The following KIF16B variants were observed in gnomAD, a reference collection of about 807,000 sequenced individuals.
KIF16B encodes kinesin family member 16B, also known as kinesin-like protein KIF16B.
KIF16B carries 98 observed loss-of-function variants against 156.3 expected under a neutral mutation model. That is an observed-to-expected ratio of 0.63 (90% CI 0.53 to 0.74). The LOEUF is 0.74. KIF16B is among the 30% of genes least tolerant of loss of function. The probability of loss-of-function intolerance (pLI) is 0.00; values close to 1 mark genes in which losing one functional copy is unlikely to be tolerated. For synonymous variants in KIF16B, 564 were observed against 583.7 expected, an observed-to-expected ratio of 0.97 and a Z score of 0.49; for missense variants, 1,421 against 1,606.5, an observed-to-expected ratio of 0.88 and a Z score of 1.97.
intron 3 of KIF16B, among the ~76,000 whole-genome samples, chr20:16,524,094 C>A (rs1368075277): frequency 6.6e-6 from 1 of 152,110 alleles, no homozygotes; most frequent in Admixed American, 6.5e-5. Context: ...TAGGCAATGC[C>A]ATTCAGGACA....
At chr20:16,369,857 A>T (rs1375714287) in intron 22 of KIF16B, among the ~76,000 whole-genome samples, 1 of 152,230 alleles carries the variant, frequency 6.6e-6, no homozygotes, top group African/African-American at 2.4e-5. Flanking sequence ...GGTACTATGG[A>T]CACAAAGAAA....
intron 12 of KIF16B, among the ~76,000 whole-genome samples, chr20:16,488,408 T>C (rs1488336096): frequency 6.6e-6 from 1 of 152,232 alleles, no homozygotes; most frequent in Admixed American, 6.5e-5. Context: ...TGAGCATTTT[T>C]CTTTAATTGT....
intron 12 of KIF16B, among the ~76,000 whole-genome samples, chr20:16,435,537 C>T (rs1007740913): frequency 6.6e-6 from 1 of 152,212 alleles, no homozygotes; most frequent in African/African-American, 2.4e-5. Flanking sequence ...GAACACAATA[C>T]ATTCTTCTGA....
At chr20:16,567,876 C>T (rs2071315093) in intron 1 of KIF16B, among the ~76,000 whole-genome samples, 1 of 152,102 alleles carries the variant, frequency 6.6e-6, no homozygotes, top group Non-Finnish European at 1.5e-5. Context: ...GGCATGAACC[C>T]GGGAGGCGGA....
chr20:16,429,741 T>C lies in KIF16B; in HGVS notation c.1422+122A>G, dbSNP rs2066449215. 6 of 805,172 alleles carry C rather than the reference T, an allele frequency of 7.5e-6. No homozygotes were observed. The East Asian group carries it at 1.5e-4, about 20-fold the overall frequency. The allele number at this position is 805,172 out of a possible 1,614,324, so 49.9% of individuals were successfully genotyped here. A position where few individuals can be genotyped will look rare whatever the true frequency, so the allele number is the denominator to read the frequency against. On this transcript the variant is annotated intron_variant, in intron 13 of 25. Transcript: ENST00000354981. Reference sequence around the variant, plus strand: ...AATTCCCAAAGGGCTCAAGGATTTGTTGTATATTCTTTAATTTAATTTAGT... The same window carrying C: ...AATTCCCAAAGGGCTCAAGGATTTGCTGTATATTCTTTAATTTAATTTAGT...
chr20:16,560,901 C>CT (rs914732256), intron 1 of KIF16B, among the ~76,000 whole-genome samples: 6 of 152,218 alleles, frequency 3.9e-5, no homozygotes, highest in Non-Finnish European at 8.8e-5. Flanking sequence ...TTACCAACTT[C>CT]TTCTCTGGAT....
intron 23 of KIF16B, among the ~76,000 whole-genome samples, chr20:16,353,178 T>C (rs2064373955): frequency 1.3e-5 from 2 of 152,222 alleles, no homozygotes; most frequent in Non-Finnish European, 2.9e-5. Context: ...CTTAGCCTCC[T>C]TAAATAGCCA....
intron 25 of KIF16B, among the ~76,000 whole-genome samples, chr20:16,307,445 A>G (rs2063557241): frequency 6.6e-6 from 1 of 152,212 alleles, no homozygotes. Flanking sequence ...ATTGAATTAG[A>G]CATCAATTCT....
At chr20:16,442,726 G>A (rs576660520) in intron 12 of KIF16B, among the ~76,000 whole-genome samples, 1 of 152,140 alleles carries the variant, frequency 6.6e-6, no homozygotes, top group African/African-American at 2.4e-5. Flanking sequence ...TCTCTAACAG[G>A]TGAGATGTTA....
chr20:16,410,134 T>TATATATATGTAGGTAC (rs2065907289), intron 15 of KIF16B, among the ~76,000 whole-genome samples: 2 of 140,786 alleles, frequency 1.4e-5, no homozygotes, highest in East Asian at 2.1e-4. Flanking sequence ...TGTAGGTACA[T>TATATATATGTAGGTAC]ATATATATGT....
intron 2 of KIF16B, 78 bp downstream of exon 2, chr20:16,528,293 T>C: frequency 9.1e-7 from 1 of 1,093,842 alleles, no homozygotes; most frequent in Non-Finnish European, 1.4e-6. Flanking sequence ...AGACAGGCTT[T>C]ATTTACTCAT....
At chr20:16,415,557 T>C (rs111453556) in intron 15 of KIF16B, among the ~76,000 whole-genome samples, 5,829 of 152,140 alleles carry the variant, frequency 0.038, 377 homozygotes, top group African/African-American at 0.13. Flanking sequence ...CCTTCTGCTT[T>C]CCACAGAAAA....
intron 12 of KIF16B, among the ~76,000 whole-genome samples, chr20:16,457,201 G>A (rs2067234132): frequency 6.6e-6 from 1 of 152,120 alleles, no homozygotes; most frequent in Admixed American, 6.6e-5. Context: ...GGTAATGCAA[G>A]TGTTTCATTT....
intron 1 of KIF16B, among the ~76,000 whole-genome samples, chr20:16,543,957 C>A (rs1185511747): frequency 6.6e-6 from 1 of 152,334 alleles, no homozygotes; most frequent in Admixed American, 6.5e-5. Flanking sequence ...GAGAGCAAAG[C>A]TGGCACTCCT....
chr20:16,318,358 A>C (rs1285763622), intron 24 of KIF16B, among the ~76,000 whole-genome samples: 2 of 152,190 alleles, frequency 1.3e-5, no homozygotes, highest in African/African-American at 4.8e-5. Context: ...CCATCTCTAA[A>C]TAGAGCCCAA....
At chr20:16,557,156 T>TACACACAC (rs113887018) in intron 1 of KIF16B, among the ~76,000 whole-genome samples, 2 of 119,816 alleles carry the variant, frequency 1.7e-5, no homozygotes, top group African/African-American at 6.6e-5. Flanking sequence ...ACTATATATA[T>TACACACAC]ATACACACAC....
intron 24 of KIF16B, among the ~76,000 whole-genome samples, chr20:16,328,945 C>T (rs1216204773): frequency 6.6e-6 from 1 of 152,150 alleles, no homozygotes; most frequent in African/African-American, 2.4e-5. Flanking sequence ...TTAGGAGGAA[C>T]ACAAACATTC....
intron 1 of KIF16B, among the ~76,000 whole-genome samples, chr20:16,565,188 T>C (rs1300810217): frequency 6.6e-6 from 1 of 152,254 alleles, no homozygotes; most frequent in Non-Finnish European, 1.5e-5. Context: ...GACGCTTTTA[T>C]AGGCTTAAAA....
chr20:16,517,428 C>T (rs768896188), intron 3 of KIF16B, among the ~76,000 whole-genome samples: 9 of 152,188 alleles, frequency 5.9e-5, no homozygotes, highest in Non-Finnish European at 1.3e-4. Context: ...TAAGCACTTT[C>T]GTGTGTTCAT....
Sources: allele counts gnomAD v4.1 joint callset (sites outside exome capture counted in the v4.1 genomes callset), GRCh38; gene constraint gnomAD v4.1.1; transcripts MANE v1.5; gene names NCBI Gene and HGNC (gene_info 2026-07-23, HGNC 2026-07-21).